Variants in PIGT observed in about 807,000 individuals in gnomAD.
PIGT encodes phosphatidylinositol glycan anchor biosynthesis class T.
A neutral mutation model predicts 66.7 loss-of-function variants in PIGT; 57 were observed. That is an observed-to-expected ratio of 0.86 (90% CI 0.69 to 1.07). The LOEUF (loss-of-function observed/expected upper bound fraction) is 1.07, where lower values mean the gene tolerates loss of function less well. Ranked by LOEUF, PIGT falls within the 50% of genes least tolerant of loss-of-function variation. The probability of loss-of-function intolerance (pLI) is 0.00; values close to 1 mark genes in which losing one functional copy is unlikely to be tolerated. For missense variants in PIGT, 725 were observed against 740.4 expected (o/e 0.98, Z 0.24); for synonymous variants, 362 against 320.5 (o/e 1.13, Z -1.38).
Position 45,424,226 on chromosome 20 carries a change from C to G in PIGT, c.1245C>G (p.His415Gln). The G allele has an allele frequency of 1.9e-6, 3 of 1,614,152 alleles. No homozygotes were observed. Among genetic ancestry groups the G allele is most frequent in the South Asian group, 1.1e-5 (1 of 91,076 alleles). ...KGKENKPSYI[H>Q]YQPAQDRLQP... Reference sequence around the variant, plus strand: ...CTTGCATGTCTCCAGGTTACATCCACTACCAGCCTGCCCAGGACCGGCTGC... The same window carrying G: ...CTTGCATGTCTCCAGGTTACATCCAGTACCAGCCTGCCCAGGACCGGCTGC... Residue 415 changes from histidine to glutamine, a missense_variant, in exon 10 of 12, where the codon CAC becomes CAG. This residue lies in a region of PIGT where 559 missense variants were observed against 552.7 expected (regional missense o/e 1.01). Coordinates refer to ENST00000279036, the MANE Select transcript of PIGT (RefSeq NM_015937.6).
At position 45,424,351 on chromosome 20, in the gene PIGT, CGCCAGA is replaced by C; in HGVS notation, c.1371_1376del (p.Asp459_Pro460del). On this transcript the variant is annotated inframe_deletion, in exon 10 of 12. Coordinates refer to ENST00000279036, the MANE Select transcript of PIGT (RefSeq NM_015937.6). ...GCGCTGCTGAAGTGGACCGAGTACA[CGCCAGA>C]TCCTAACCATGGCTTCTATGTCAGG... 1 of 1,614,190 alleles carries C rather than the reference CGCCAGA, an allele frequency of 6.2e-7. No individual in the cohort carries two copies. Among genetic ancestry groups the C allele is most frequent in the East Asian group, 2.2e-5 (1 of 44,888 alleles).
In PIGT at chr20:45,426,157, A is replaced by T; in HGVS notation, c.*331A>T. ...AAAGGTCGGCTGGCAGCACTGGCCA[A>T]GGTGATGGGGTGTGCTACACAGTGT... On this transcript the variant is annotated 3_prime_UTR_variant, in exon 12 of 12. Coordinates refer to ENST00000279036, the MANE Select transcript of PIGT (RefSeq NM_015937.6). 2 of 384,044 alleles carry T rather than the reference A, an allele frequency of 5.2e-6. No individual in the cohort carries two copies. Among genetic ancestry groups the T allele is most frequent in the Non-Finnish European group, 9.7e-6 (2 of 207,076 alleles). 23.8% of individuals were successfully genotyped at this position (384,044 alleles called of 1,614,324 possible).
chr20:45,426,220 A>G lies in PIGT; in HGVS notation c.*394A>G, dbSNP rs1048181544. The G allele has an allele frequency of 5.3e-6, 1 of 190,034 alleles. No individual in the cohort carries two copies. The highest frequency in any genetic ancestry group is 1.1e-5 in the Non-Finnish European group (1 of 90,654). The allele number at this position is 190,034 out of a possible 1,614,324, so 11.8% of individuals were successfully genotyped here. ...AGTGGATGGAGTTTACTGTTTGTGG[A>G]ATAAAAACGGCTGTTTCCGTGGTTC... On this transcript the variant is annotated 3_prime_UTR_variant, in exon 12 of 12. Transcript: ENST00000279036.
At chr20:45,422,442 C>T (rs1018435185) in intron 9 of PIGT, 32 of 150,046 alleles carry the variant, frequency 2.1e-4, no homozygotes, top group African/African-American at 7.8e-4. Context: ...ACACACCCTG[C>T]AGCCTTTTTT....
chr20:45,418,718 G>C (rs1247515579), intron 2 of PIGT, 134 bp from the exon 3 acceptor site: 2 of 1,109,220 alleles, frequency 1.8e-6, no homozygotes, highest in East Asian at 2.5e-5. Flanking sequence ...CAATGTTCCA[G>C]CTCCATCAAC....
At chr20:45,421,206 T>G in intron 8 of PIGT, 177 bp from the exon 9 acceptor site, 1 of 609,172 alleles carries the variant, frequency 1.6e-6, no homozygotes, top group South Asian at 2.0e-5. Context: ...ATTGTCATCA[T>G]CGCTTGTTGG....
rs533438572 is a variant in PIGT, at chr20:45,423,397, CAA to C, written c.1235-818_1235-817del. 3.3e-3 allele frequency: 494 copies of C among 151,662 alleles called. 5 individuals are homozygous for C. The highest frequency in any genetic ancestry group is 4.2e-3 in the Non-Finnish European group (288 of 67,992). 9.4% of individuals were successfully genotyped at this position (151,662 alleles called of 1,614,324 possible). A position where few individuals can be genotyped will look rare whatever the true frequency, so the allele number is the denominator to read the frequency against. On this transcript the variant is annotated intron_variant, in intron 9 of 11. Transcript: ENST00000279036. ...TTGCACGCCTGTAGTCCCAGCTACTCAAGAGGCTGAGGTGGGAGGATCACTTG... is the reference window on the plus strand; with the variant it reads ...TTGCACGCCTGTAGTCCCAGCTACTCGAGGCTGAGGTGGGAGGATCACTTG...
chr20:45,416,566 G>A lies in PIGT; in HGVS notation c.237G>A (p.Lys79=). The change falls in exon 2 of 12, where the codon AAG becomes AAA. Residue 79 remains lysine (K), a synonymous_variant. Coordinates refer to ENST00000279036, the MANE Select transcript of PIGT (RefSeq NM_015937.6). ...FPKALGQLIS[K]YSLRELHLSF... ...AAGCCCTGGGGCAGCTGATCTCCAA[G>A]TATTCTCTACGGGAGCTGCACCTGT... is the stretch of plus-strand genomic sequence containing the variant. 6.2e-7 allele frequency: 1 copy of A among 1,614,178 alleles called. No individual in the cohort carries two copies. Among genetic ancestry groups the A allele is most frequent in the Non-Finnish European group, 8.5e-7 (1 of 1,180,010 alleles).
chr20:45,420,348 G>T lies in PIGT; in HGVS notation c.786G>T (p.Arg262=). Residue 262 remains arginine, a synonymous_variant, in exon 7 of 12, where the codon CGG becomes CGT. Coordinates refer to ENST00000279036, the MANE Select transcript of PIGT (RefSeq NM_015937.6). Reference sequence around the variant, plus strand: ...GTTTCTCAGACTGGTCCCTCTTCCGGATGTTCTCCCGAACCCTCACGGAGC... The same window carrying T: ...GTTTCTCAGACTGGTCCCTCTTCCGTATGTTCTCCCGAACCCTCACGGAGC... ...GQGKKDWSLF[R]MFSRTLTEPC... 1 of 1,613,136 alleles carries T rather than the reference G, an allele frequency of 6.2e-7. No individual in the cohort carries two copies. The highest frequency in any genetic ancestry group is 8.5e-7 in the Non-Finnish European group (1 of 1,179,664).
chr20:45,419,483 A>C (rs757356505), intron 4 of PIGT, 21 bp from the exon 5 acceptor site: 3 of 1,614,064 alleles, frequency 1.9e-6, no homozygotes, highest in South Asian at 1.1e-5. Context: ...GGCTTCTCTT[A>C]TCTCTTTCCA....
chr20:45,420,899 A>T, intron 8 of PIGT: 1 of 602,474 alleles, frequency 1.7e-6, no homozygotes, highest in Non-Finnish European at 3.0e-6. Flanking sequence ...TGAAAAATAG[A>T]GTATACTTAG....
At chr20:45,422,051 T>C (rs1820944712) in intron 9 of PIGT, 1 of 152,008 alleles carries the variant, frequency 6.6e-6, no homozygotes, top group Admixed American at 6.5e-5. Context: ...AATTTATTTT[T>C]ATTTTCTATT....
intron 2 of PIGT, 90 bp from the exon 3 acceptor site, chr20:45,418,762 C>T: frequency 1.3e-6 from 2 of 1,504,508 alleles, no homozygotes; most frequent in Non-Finnish European, 1.8e-6. Context: ...ACAGCCTCCT[C>T]CTATCATAGG....
rs759845106 is a variant in PIGT, at chr20:45,418,847, T to C, written c.366-5T>C. ...GACAGTGAGTGGATTTGTGTCTCTATCCAGTGTGGATAAATCTTGGAAGGA... is the reference window on the plus strand; with the variant it reads ...GACAGTGAGTGGATTTGTGTCTCTACCCAGTGTGGATAAATCTTGGAAGGA... On this transcript the variant is annotated splice_polypyrimidine_tract_variant and splice_region_variant and intron_variant, in intron 2 of 11. Coordinates refer to ENST00000279036, the MANE Select transcript of PIGT (RefSeq NM_015937.6). The C allele has an allele frequency of 1.9e-6, 3 of 1,613,880 alleles. No homozygotes were observed. Among genetic ancestry groups the C allele is most frequent in the Non-Finnish European group, 2.5e-6 (3 of 1,179,830 alleles).
intron 3 of PIGT, 155 bp from the exon 4 acceptor site, chr20:45,419,140 A>C: frequency 9.2e-7 from 1 of 1,088,654 alleles, no homozygotes; most frequent in Non-Finnish European, 1.4e-6. Flanking sequence ...GCCTTTTCCC[A>C]AGGAGAGAAG....
intron 2 of PIGT, chr20:45,418,562 G>A (rs962220330): frequency 1.3e-5 from 5 of 385,648 alleles, no homozygotes; most frequent in Non-Finnish European, 2.5e-5. Context: ...GATCATGAAG[G>A]TAGGCAGAAA....
At chr20:45,418,446 G>T (rs1234714450) in intron 2 of PIGT, 1 of 262,334 alleles carries the variant, frequency 3.8e-6, no homozygotes, top group East Asian at 1.2e-4. Flanking sequence ...CTCCCAGGAG[G>T]GACCTAGTAA....
At chr20:45,419,457 C>A in intron 4 of PIGT, 47 bp from the exon 5 acceptor site, 1 of 1,610,890 alleles carries the variant, frequency 6.2e-7, no homozygotes, top group Non-Finnish European at 8.5e-7. Flanking sequence ...CGCCCCATGC[C>A]AAGTGCTCCA....
Position 45,424,347 on chromosome 20 carries a change from T to C in PIGT, c.1366T>C (p.Tyr456His). Residue 456 changes from tyrosine to histidine, a missense_variant, in exon 10 of 12, where the codon TAC (tyrosine) becomes CAC (histidine). Coordinates refer to ENST00000279036, the MANE Select transcript of PIGT (RefSeq NM_015937.6). ...GCGGGCGCTGCTGAAGTGGACCGAG[T>C]ACACGCCAGATCCTAACCATGGCTT... ...FERALLKWTEYTPDPNHGFYV... is the reference protein window; with the variant it reads ...FERALLKWTEHTPDPNHGFYV... 6.2e-7 allele frequency: 1 copy of C among 1,614,128 alleles called. No individual in the cohort carries two copies.
Sources: gnomAD v4.1 joint callset for allele counts on GRCh38, gnomAD v4.1.1 for gene constraint, gnomAD v4.1.1 regional missense constraint, MANE v1.5 for transcripts, NCBI Gene and HGNC (gene_info 2026-07-23, HGNC 2026-07-21) for gene names.